Variants in MACF1 observed in about 807,000 individuals in gnomAD.
MACF1 encodes the protein microtubule-actin cross-linking factor 1.
In MACF1, 193 loss-of-function variants were observed where a neutral mutation model predicts 854.8. That is an observed-to-expected ratio of 0.23 (90% CI 0.20 to 0.25). MACF1 has a LOEUF of 0.25. Among genes scored for constraint, MACF1 ranks in the 10% least tolerant of loss-of-function variants. MACF1 has a pLI of 1.00. For synonymous variants in MACF1, 3,185 were observed against 3,226.7 expected (o/e 0.99, Z 0.44); for missense variants, 7,722 against 8,929.1 (o/e 0.86, Z 5.45).
In MACF1 at chr1:39,318,383, G is replaced by A. The variant is rs1401354668; in HGVS notation, c.3783-70G>A. ...CCAGCTGGATACATGGGTTAAAGAG[G>A]GAATTACCTCATTTACTTTATTGTA... On this transcript the variant is annotated intron_variant, in intron 29 of 100. Coordinates refer to ENST00000564288, the MANE Select transcript of MACF1 (RefSeq NM_001394062.1). 3 of 1,389,330 alleles carry A rather than the reference G, an allele frequency of 2.2e-6. No homozygotes were observed. The African/African-American group carries it at 4.3e-5, about 20-fold the overall frequency. 86.1% of individuals were successfully genotyped at this position (1,389,330 alleles called of 1,614,324 possible). A position where few individuals can be genotyped will look rare whatever the true frequency, so the allele number is the denominator to read the frequency against.
chr1:39,432,782 A>G (rs1486637385), intron 67 of MACF1, 128 bp downstream of exon 67: 6 of 1,122,594 alleles, frequency 5.3e-6, no homozygotes, highest in Admixed American at 3.5e-5. Flanking sequence ...TTAATTTTCT[A>G]TGTATTTGGT....
At chr1:39,365,297 C>T (rs1267560644) in intron 49 of MACF1, among the ~76,000 whole-genome samples, 2 of 152,042 alleles carry the variant, frequency 1.3e-5, no homozygotes, top group South Asian at 2.1e-4. Flanking sequence ...AGGATGGTCT[C>T]GATCTGCTGA....
At position 39,334,567 on chromosome 1, in the gene MACF1, G is replaced by A; in HGVS notation, c.7979G>A (p.Ser2660Asn). ...TTCTCAGACATTAAAGATGGGGTGA[G>A]CGACAAAGTGCTTACATTGTCTCAA... ...IPFSDIKDGV[S>N]DKVLTLSQAI... Residue 2660 changes from serine to asparagine, a missense_variant, in exon 37 of 101, where the codon AGC becomes AAC. By Grantham distance (46) the Ser-to-Asn change is conservative (BLOSUM62 1). This residue lies in a region of MACF1 where 1,531 missense variants were observed against 1,601.6 expected (regional missense o/e 0.96). Transcript: ENST00000564288. The A allele has an allele frequency of 6.2e-7, 1 of 1,614,100 alleles. No homozygotes were observed.
chr1:39,261,120 A>G (rs533849906), intron 6 of MACF1, among the ~76,000 whole-genome samples: 2 of 152,164 alleles, frequency 1.3e-5, no homozygotes, highest in South Asian at 2.1e-4. Flanking sequence ...TTTACCTTAC[A>G]TTATGTAGAT....
chr1:39,486,090 A>C lies in MACF1; in HGVS notation c.*296A>C. The C allele has an allele frequency of 4.2e-6, 1 of 235,814 alleles. No individual in the cohort carries two copies. Among genetic ancestry groups the C allele is most frequent in the Non-Finnish European group, 8.0e-6 (1 of 124,404 alleles). 14.6% of individuals were successfully genotyped at this position (235,814 alleles called of 1,614,324 possible). A position where few individuals can be genotyped will look rare whatever the true frequency, so the allele number is the denominator to read the frequency against. On this transcript the variant is annotated 3_prime_UTR_variant, in exon 101 of 101. Transcript: ENST00000564288. ...TGTATTAAAAAAAAAAAAGCCTATTAATAGGGTTTCTGCGCGGTGCAGGGT... is the reference window on the plus strand; with the variant it reads ...TGTATTAAAAAAAAAAAAGCCTATTCATAGGGTTTCTGCGCGGTGCAGGGT...
At chr1:39,410,367 A>G in intron 58 of MACF1, 1 of 1,614,020 alleles carries the variant, frequency 6.2e-7, no homozygotes, top group Non-Finnish European at 8.5e-7. Context: ...GCTATGTTCC[A>G]CAACGGTCTA....
chr1:39,395,737 A>G (rs763267335), intron 58 of MACF1, among the ~76,000 whole-genome samples: 1 of 152,012 alleles, frequency 6.6e-6, no homozygotes, highest in African/African-American at 2.4e-5. Flanking sequence ...AAGAATTCCA[A>G]TGCTCTGTAA....
intron 2 of MACF1, chr1:39,103,643 C>T (rs1023681998): frequency 6.6e-6 from 1 of 152,366 alleles, no homozygotes; most frequent in Non-Finnish European, 1.5e-5. Context: ...GTAAACTGAG[C>T]TCATTAGCAG....
At chr1:39,315,886 T>C (rs1450655796) in intron 27 of MACF1, among the ~76,000 whole-genome samples, 195 bp downstream of exon 27, 1 of 152,176 alleles carries the variant, frequency 6.6e-6, no homozygotes, top group Non-Finnish European at 1.5e-5. Context: ...GAAGTGCCAG[T>C]GATATGAAAG....
chr1:39,295,049 T>C lies in MACF1; in HGVS notation c.2158T>C (p.Leu720=), dbSNP rs762234378. ...ISAKRNYFSE[L]TMELEEKQDV... is the part of the protein sequence containing the mutation. ...TAAAATTGAATTCCATTTTCAGGAG[T>C]TGACAATGGAACTGGAGGAGAAACA... Residue 720 remains leucine, a synonymous_variant, in exon 19 of 101, where the codon TTG becomes CTG. Coordinates refer to ENST00000564288, the MANE Select transcript of MACF1 (RefSeq NM_001394062.1). 11 of 1,610,336 alleles carry C rather than the reference T, an allele frequency of 6.8e-6. No individual in the cohort carries two copies. The East Asian group carries it at 1.8e-4, about 26-fold the overall frequency.
chr1:39,399,416 C>T (rs925021356), intron 58 of MACF1, among the ~76,000 whole-genome samples: 2 of 141,710 alleles, frequency 1.4e-5, no homozygotes, highest in Admixed American at 7.3e-5. Flanking sequence ...GCTCTGTCAC[C>T]CAGGCTGGAG....
chr1:39,440,814 T>C (rs1644099903), intron 72 of MACF1, among the ~76,000 whole-genome samples, 189 bp from the exon 73 acceptor site: 1 of 152,176 alleles, frequency 6.6e-6, no homozygotes, highest in South Asian at 2.1e-4. Context: ...TACATATACC[T>C]ATATGTAATA....
At position 39,484,623 on chromosome 1, in the gene MACF1, A is replaced by C; in HGVS notation, c.22304A>C (p.Lys7435Thr). ...TPEVIPSSGS[K>T]LKRPTPTFHS... ...AAGGTTATCCCATCATCAGGTAGCA[A>C]GTTGAAACGACCAACACCAACTTTT... Residue 7435 changes from lysine to threonine, a missense_variant, in exon 100 of 101, where the codon AAG (lysine) becomes ACG (threonine). This residue lies in a region of MACF1 where 185 missense variants were observed against 225.7 expected (regional missense o/e 0.82). Coordinates refer to ENST00000564288, the MANE Select transcript of MACF1 (RefSeq NM_001394062.1). 1 of 1,613,922 alleles carries C rather than the reference A, an allele frequency of 6.2e-7. No homozygotes were observed. The highest frequency in any genetic ancestry group is 1.3e-5 in the African/African-American group (1 of 75,044).
intron 97 of MACF1, among the ~76,000 whole-genome samples, chr1:39,476,146 T>C (rs1311145428): frequency 1.3e-5 from 2 of 152,242 alleles, no homozygotes; most frequent in Non-Finnish European, 2.9e-5. Flanking sequence ...CATATTATTT[T>C]GGAGAGTGTA....
intron 2 of MACF1, among the ~76,000 whole-genome samples, chr1:39,143,475 G>C (rs1643392501): frequency 6.6e-6 from 1 of 152,158 alleles, no homozygotes; most frequent in South Asian, 2.1e-4. Flanking sequence ...GCTTGTTTAG[G>C]GTTTCCTGCC....
At chr1:39,138,072 C>CAAAAAAA (rs1213606775) in intron 2 of MACF1, among the ~76,000 whole-genome samples, 2 of 50,334 alleles carry the variant, frequency 4.0e-5, no homozygotes, top group Non-Finnish European at 8.1e-5. Flanking sequence ...GACTCCATCT[C>CAAAAAAA]AAAAAAAAAA....
intron 23 of MACF1, among the ~76,000 whole-genome samples, chr1:39,303,846 C>T (rs1646105794): frequency 6.6e-6 from 1 of 150,634 alleles, no homozygotes; most frequent in Non-Finnish European, 1.5e-5. Flanking sequence ...CACTGCACTC[C>T]AGCCTGGGCG....
Position 39,361,356 on chromosome 1 carries a change from A to C in MACF1, c.12454-4A>C, listed in dbSNP as rs1648178236. 6.2e-7 allele frequency: 1 copy of C among 1,610,696 alleles called. No individual in the cohort carries two copies. The highest frequency in any genetic ancestry group is 1.3e-5 in the African/African-American group (1 of 74,854). The stretch of plus-strand genomic sequence containing the variant: ...GGAGCTGACAGACGTGTTCTTCATG[A>C]CAGAAATTGAAGCAGGACATTGCTC... On this transcript the variant is annotated splice_region_variant and splice_polypyrimidine_tract_variant and intron_variant, in intron 48 of 100. Coordinates refer to ENST00000564288, the MANE Select transcript of MACF1 (RefSeq NM_001394062.1).
chr1:39,356,165 T>A (rs763697066), intron 44 of MACF1, among the ~76,000 whole-genome samples: 1 of 152,104 alleles, frequency 6.6e-6, no homozygotes, highest in Non-Finnish European at 1.5e-5. Context: ...CTCACAGCTC[T>A]CCTCAAAGAA....
Sources: gnomAD v4.1 joint callset for allele counts (sites outside exome capture counted in the v4.1 genomes callset) on GRCh38, gnomAD v4.1.1 for gene constraint, gnomAD v4.1.1 regional missense constraint, MANE v1.5 for transcripts, NCBI Gene and HGNC (gene_info 2026-07-23, HGNC 2026-07-21) for gene names.